Variants in WASF2 observed in about 807,000 individuals in gnomAD.
WASF2 encodes WASP family member 2.
A neutral mutation model predicts 45.0 loss-of-function variants in WASF2; 14 were observed. The ratio of observed to expected loss-of-function variants is 0.31; its 90% CI spans 0.21 to 0.49. The LOEUF is 0.49. WASF2 is among the 20% of genes least tolerant of loss of function. The pLI, the probability that WASF2 is intolerant of heterozygous loss-of-function variation, is 0.99. For missense variants in WASF2, 439 were observed against 636.1 expected (o/e 0.69, Z 3.33); for synonymous variants, 200 against 236.3 (o/e 0.85, Z 1.41).
In WASF2 at chr1:27,443,407, A is replaced by C. The variant is rs554929311; in HGVS notation, c.-43-14474T>G. On this transcript the variant is annotated intron_variant, in intron 1 of 8. Transcript: ENST00000618852. ...GGTGGGTGGATCACCTGAGGTCAGG[A>C]GTTCAAGACCAGCCTGGCCAACATG... Among the ~76,000 whole-genome samples the C allele has an allele frequency of 2.6e-5, 4 of 151,028 alleles. No individual in the cohort carries two copies. The East Asian group carries it at 7.8e-4, about 29-fold the overall frequency.
In WASF2 at chr1:27,408,115, G is replaced by C. The variant is rs569649961; in HGVS notation, c.*74C>G. 1 of 1,554,172 alleles carries C rather than the reference G, an allele frequency of 6.4e-7. No homozygotes were observed. Among genetic ancestry groups the C allele is most frequent in the African/African-American group, 1.4e-5 (1 of 73,466 alleles). ...TTTTCCTCCCTTTTCTCCCCCTACG[G>C]GTCTGTTGGGGTTGGCATCAAAGAA... On this transcript the variant is annotated 3_prime_UTR_variant, in exon 9 of 9. Coordinates refer to ENST00000618852, the MANE Select transcript of WASF2 (RefSeq NM_006990.5).
In WASF2 at chr1:27,418,998, C is replaced by T. The variant is rs755170505; in HGVS notation, c.221G>A (p.Arg74Gln). ...CAGCTGAGTGACTTTAACCTGTAGT[C>T]GGTCGACCCTCTCAGCAAGGGAGCT... ...RVSSLAERVD[R>Q]LQVKVTQLDP... The change falls in exon 3 of 9, where the codon CGA (arginine) becomes CAA (glutamine). Residue 74 changes from arginine (R) to glutamine (Q), a missense_variant. Arg to Gln is a conservative substitution (Grantham distance 43). Around this residue, in one of 5 missense-constraint regions of WASF2, gnomAD observed 98 missense variants for 120.7 expected, o/e 0.81. Transcript: ENST00000618852. The T allele has an allele frequency of 1.7e-5, 27 of 1,613,840 alleles. No individual in the cohort carries two copies. The East Asian group carries it at 3.6e-4, about 21-fold the overall frequency.
chr1:27,467,425 CGA>C (rs1158881796), intron 1 of WASF2, among the ~76,000 whole-genome samples: 105 of 149,470 alleles, frequency 7.0e-4, no homozygotes, highest in Middle Eastern at 3.4e-3. Context: ...CTCAGCCTCC[CGA>C]GTAGCTGGGA....
intron 1 of WASF2, among the ~76,000 whole-genome samples, chr1:27,459,066 C>T (rs569597943): frequency 7.9e-4 from 120 of 151,522 alleles, no homozygotes; most frequent in Middle Eastern, 3.4e-3. Context: ...GCGGAGGTTG[C>T]AGTGAGCCGA....
At chr1:27,448,226 T>C (rs2017335968) in intron 1 of WASF2, among the ~76,000 whole-genome samples, 1 of 152,238 alleles carries the variant, frequency 6.6e-6, no homozygotes, top group Non-Finnish European at 1.5e-5. Flanking sequence ...CTATTCTCCA[T>C]GCATGCATGA....
intron 1 of WASF2, among the ~76,000 whole-genome samples, chr1:27,436,764 T>C (rs911445603): frequency 2.2e-4 from 33 of 152,144 alleles, no homozygotes; most frequent in African/African-American, 6.8e-4. Flanking sequence ...GCACAAGGAA[T>C]GACAAATCTG....
rs775407600 is a variant in WASF2, at chr1:27,419,011, C to T, written c.208G>A (p.Glu70Lys). 4 of 1,613,988 alleles carry T rather than the reference C, an allele frequency of 2.5e-6. No individual in the cohort carries two copies. The highest frequency in any genetic ancestry group is 3.4e-6 in the Non-Finnish European group (4 of 1,180,030). ...TTAACCTGTAGTCGGTCGACCCTCT[C>T]AGCAAGGGAGCTTACCCGAGAGGCA... The part of the protein sequence containing the change: ...TFASRVSSLA[E>K]RVDRLQVKVT... Residue 70 changes from glutamate (E) to lysine (K), a missense_variant, in exon 3 of 9, where the codon GAG (glutamate) becomes AAG (lysine). By Grantham distance (56) the Glu-to-Lys change is moderately conservative. Coordinates refer to ENST00000618852, the MANE Select transcript of WASF2 (RefSeq NM_006990.5).
intron 1 of WASF2, among the ~76,000 whole-genome samples, chr1:27,444,073 C>G (rs779085330): frequency 2.0e-5 from 3 of 152,158 alleles, no homozygotes; most frequent in Non-Finnish European, 4.4e-5. Context: ...GCCACCGCGC[C>G]TGGCCTTAGT....
At chr1:27,417,992 C>G (rs2016849116) in intron 4 of WASF2, among the ~76,000 whole-genome samples, 1 of 152,166 alleles carries the variant, frequency 6.6e-6, no homozygotes, top group Admixed American at 6.5e-5. Flanking sequence ...CAAGATGGAC[C>G]TGGCTTATAT....
In WASF2 at chr1:27,408,263, G is replaced by A. The variant is rs1407491137; in HGVS notation, c.1423C>T (p.Arg475Cys). 5.6e-6 allele frequency: 9 copies of A among 1,614,180 alleles called. No individual in the cohort carries two copies. Among genetic ancestry groups the A allele is most frequent in the South Asian group, 2.2e-5 (2 of 91,074 alleles). The stretch of plus-strand genomic sequence containing the variant: ...TCACTGTACTCAACAGCAATGCGAC[G>A]AGACAAGATGGTGGCCACGTCATTG... ...VGNDVATILS[R>C]RIAVEYSDSE... is the part of the protein sequence containing the mutation. The change falls in exon 9 of 9, where the codon CGT becomes TGT. Residue 475 changes from arginine to cysteine, a missense_variant. Physicochemically the swap from Arg to Cys is radical, Grantham distance 180. Transcript: ENST00000618852.
At chr1:27,415,435 C>G (rs2016814856) in intron 5 of WASF2, among the ~76,000 whole-genome samples, 1 of 152,256 alleles carries the variant, frequency 6.6e-6, no homozygotes, top group Non-Finnish European at 1.5e-5. Context: ...CTGGCACTCT[C>G]TTGGGCCTCC....
chr1:27,409,642 G>A lies in WASF2; in HGVS notation c.1339+50C>T, dbSNP rs753867133. The A allele has an allele frequency of 4.3e-6, 6 of 1,411,312 alleles. No homozygotes were observed. In the African/African-American group the frequency reaches 8.7e-5, roughly 20 times the overall value. The allele number at this position is 1,411,312 out of a possible 1,614,324, so 87.4% of individuals were successfully genotyped here. Reference sequence around the variant, plus strand: ...ACCCATCCCCCAATCAGTCATCCCAGCTTCAGAAAGACAAGGCTCCACAGT... The same window carrying A: ...ACCCATCCCCCAATCAGTCATCCCAACTTCAGAAAGACAAGGCTCCACAGT... On this transcript the variant is annotated intron_variant, in intron 8 of 8. Coordinates refer to ENST00000618852, the MANE Select transcript of WASF2 (RefSeq NM_006990.5).
At chr1:27,473,173 A>G (rs1383332297) in intron 1 of WASF2, among the ~76,000 whole-genome samples, 2 of 152,058 alleles carry the variant, frequency 1.3e-5, no homozygotes, top group Non-Finnish European at 1.5e-5. Context: ...AACAGATTTA[A>G]ATAGACATAT....
intron 6 of WASF2, among the ~76,000 whole-genome samples, chr1:27,413,236 T>TGGTA (rs1363455075): frequency 6.6e-6 from 1 of 152,172 alleles, no homozygotes; most frequent in Non-Finnish European, 1.5e-5. Flanking sequence ...GGGTGCTATG[T>TGGTA]GGTAGTAAAT....
At chr1:27,454,380 T>A (rs1486883839) in intron 1 of WASF2, among the ~76,000 whole-genome samples, 1 of 150,506 alleles carries the variant, frequency 6.6e-6, no homozygotes, top group African/African-American at 2.5e-5. Context: ...TTGAGACTGT[T>A]TTCCTGTTGT....
chr1:27,418,490 G>C, intron 3 of WASF2, 68 bp from the exon 4 acceptor site: 1 of 1,603,014 alleles, frequency 6.2e-7, no homozygotes, highest in Non-Finnish European at 8.5e-7. Flanking sequence ...AGTCACACCA[G>C]TCGGAGAGGC....
Position 27,465,944 on chromosome 1 carries a change from A to G in WASF2, c.-44+24042T>C, listed in dbSNP as rs556450390. On this transcript the variant is annotated intron_variant, in intron 1 of 8. Transcript: ENST00000618852. ...CAAAAGGAATCAGGAGCTAGCTTGA[A>G]GAACTTCCCACTGGTCCAATATGAA... Among the ~76,000 whole-genome samples, 4 of 152,344 alleles carry G rather than the reference A, an allele frequency of 2.6e-5. No individual in the cohort carries two copies. In the East Asian group the frequency reaches 7.7e-4, roughly 29 times the overall value.
chr1:27,421,110 T>C (rs991218156), intron 2 of WASF2, among the ~76,000 whole-genome samples: 7 of 152,226 alleles, frequency 4.6e-5, no homozygotes, highest in Admixed American at 2.0e-4. Context: ...GGACTTCTAA[T>C]CAAGGAAGAA....
chr1:27,409,657 G>A, intron 8 of WASF2, 35 bp downstream of exon 8: 1 of 1,425,826 alleles, frequency 7.0e-7, no homozygotes, highest in East Asian at 2.5e-5. Context: ...AGAAAGACAA[G>A]GCTCCACAGT....
Sources: allele counts gnomAD v4.1 joint callset (sites outside exome capture counted in the v4.1 genomes callset), GRCh38; gene constraint gnomAD v4.1.1; regional missense constraint gnomAD v4.1.1; transcripts MANE v1.5; gene names NCBI Gene and HGNC (gene_info 2026-07-23, HGNC 2026-07-21).